The following JARID2 variants were observed in gnomAD, a reference collection of about 807,000 sequenced individuals.
JARID2 encodes protein Jumonji.
A neutral mutation model predicts 125.6 loss-of-function variants in JARID2; 21 were observed. The ratio of observed to expected loss-of-function variants is 0.17; its 90% confidence interval spans 0.12 to 0.24. The LOEUF (loss-of-function observed/expected upper bound fraction) is 0.24, where lower values mean the gene tolerates loss of function less well. Among genes scored for constraint, JARID2 ranks in the 10% least tolerant of loss-of-function variants. The pLI is 1.00. For missense variants in JARID2, 1,303 were observed against 1,639.6 expected (o/e 0.79, Z 3.55); for synonymous variants, 736 against 661.6 (o/e 1.11, Z -1.73).
intron 2 of JARID2, among the ~76,000 whole-genome samples, chr6:15,392,042 GT>G (rs1554131247): frequency 3.7e-5 from 1 of 27,028 alleles, no homozygotes; most frequent in African/African-American, 1.3e-4. Context: ...CCAGAGTGGT[GT>G]GTGTGTGTGT....
chr6:15,515,630 C>CA (rs993426435), intron 16 of JARID2, among the ~76,000 whole-genome samples: 1 of 151,486 alleles, frequency 6.6e-6, no homozygotes, highest in Non-Finnish European at 1.5e-5. Flanking sequence ...ACAAAAAATA[C>CA]AAAAAATTAA....
intron 1 of JARID2, among the ~76,000 whole-genome samples, chr6:15,361,007 A>T (rs116571062): frequency 5.9e-4 from 90 of 152,332 alleles, no homozygotes; most frequent in Non-Finnish European, 1.1e-3. Flanking sequence ...TTTCGATTAA[A>T]ACCACCCAAC....
intron 2 of JARID2, among the ~76,000 whole-genome samples, 184 bp from the exon 3 acceptor site, chr6:15,410,040 T>C (rs1179125994): frequency 6.6e-6 from 1 of 152,232 alleles, no homozygotes; most frequent in East Asian, 1.9e-4. Context: ...TTTCACTCTC[T>C]TTAAAGGTCT....
chr6:15,385,948 G>A (rs967980910), intron 2 of JARID2, among the ~76,000 whole-genome samples: 2 of 152,148 alleles, frequency 1.3e-5, no homozygotes, highest in African/African-American at 4.8e-5. Flanking sequence ...TCTTGGAATA[G>A]GGTCAGCCTT....
intron 1 of JARID2, among the ~76,000 whole-genome samples, chr6:15,326,929 T>A (rs1387976290): frequency 6.6e-6 from 1 of 152,242 alleles, no homozygotes; most frequent in African/African-American, 2.4e-5. Context: ...GGTCTATACA[T>A]TGATACTGGT....
chr6:15,501,676 C>T (rs930664918), intron 8 of JARID2, among the ~76,000 whole-genome samples: 1 of 152,128 alleles, frequency 6.6e-6, no homozygotes, highest in Non-Finnish European at 1.5e-5. Context: ...TAGTGAGGGC[C>T]TTGTGGGTGC....
rs376290738 is a variant in JARID2 at position 15,343,531 on chromosome 6, A to T, written c.46-30586A>T. On this transcript the variant is annotated intron_variant, in intron 1 of 17. Transcript: ENST00000341776. ...GAGTTGGATGTGTATTGAAAGTATG[A>T]TAGTCTCTTGCTATAAAATTAGGCT... 5.9e-5 allele frequency among the ~76,000 whole-genome samples: 9 copies of T among 152,302 alleles called. No individual in the cohort carries two copies. In the East Asian group the frequency reaches 1.5e-3, roughly 26 times the overall value.
At chr6:15,368,229 T>A (rs1764044733) in intron 1 of JARID2, among the ~76,000 whole-genome samples, 1 of 152,244 alleles carries the variant, frequency 6.6e-6, no homozygotes, top group South Asian at 2.1e-4. Context: ...TACAAGGTTT[T>A]AATTTTGATG....
intron 15 of JARID2, 53 bp from the exon 16 acceptor site, chr6:15,513,186 G>T: frequency 6.4e-7 from 1 of 1,561,362 alleles, no homozygotes; most frequent in Admixed American, 1.9e-5. Flanking sequence ...CCCTCTGCTG[G>T]TGAGCATGGC....
intron 6 of JARID2, among the ~76,000 whole-genome samples, chr6:15,492,659 C>CA (rs1770209746): frequency 6.6e-6 from 1 of 152,208 alleles, no homozygotes. Flanking sequence ...TTTTAGGACA[C>CA]ATGGAGCAGC....
intron 5 of JARID2, among the ~76,000 whole-genome samples, chr6:15,475,451 C>T (rs1290227437): frequency 1.3e-5 from 2 of 152,214 alleles, no homozygotes; most frequent in African/African-American, 4.8e-5. Flanking sequence ...TGCTGTGGAA[C>T]TGCCAGGGAG....
intron 1 of JARID2, among the ~76,000 whole-genome samples, chr6:15,344,047 T>A (rs939607048): frequency 6.6e-6 from 1 of 150,678 alleles, no homozygotes; most frequent in Non-Finnish European, 1.5e-5. Context: ...GAATGCAAAA[T>A]TCTCTTGAAT....
chr6:15,384,243 C>T (rs556842144), intron 2 of JARID2, among the ~76,000 whole-genome samples: 13 of 152,282 alleles, frequency 8.5e-5, no homozygotes, highest in Admixed American at 5.9e-4. Flanking sequence ...GGTGCCACCA[C>T]GCCCGGCTAA....
At chr6:15,450,623 T>C (rs746936333) in intron 3 of JARID2, among the ~76,000 whole-genome samples, 1 of 152,166 alleles carries the variant, frequency 6.6e-6, no homozygotes, top group Non-Finnish European at 1.5e-5. Flanking sequence ...CAAAGAATGT[T>C]TTTCAAATAC....
At chr6:15,517,675 G>A (rs956337774) in intron 17 of JARID2, among the ~76,000 whole-genome samples, 1 of 152,196 alleles carries the variant, frequency 6.6e-6, no homozygotes, top group Non-Finnish European at 1.5e-5. Flanking sequence ...AGCTGGAAGT[G>A]TCTGCGGACA....
intron 1 of JARID2, among the ~76,000 whole-genome samples, chr6:15,317,738 G>C (rs2127435732): frequency 6.6e-6 from 1 of 152,298 alleles, no homozygotes; most frequent in East Asian, 1.9e-4. Context: ...TGCCATGGCT[G>C]CGTGGGTGTT....
At chr6:15,417,419 T>A (rs1303231441) in intron 3 of JARID2, among the ~76,000 whole-genome samples, 1 of 152,226 alleles carries the variant, frequency 6.6e-6, no homozygotes, top group African/African-American at 2.4e-5. Context: ...TTTTGTGACC[T>A]GAATAAATTA....
At chr6:15,403,460 T>A (rs1019881831) in intron 2 of JARID2, among the ~76,000 whole-genome samples, 1 of 152,292 alleles carries the variant, frequency 6.6e-6, no homozygotes, top group East Asian at 1.9e-4. Flanking sequence ...TCTGCTTACC[T>A]CTTCCTCTGA....
At chr6:15,336,410 A>G (rs1762880753) in intron 1 of JARID2, among the ~76,000 whole-genome samples, 1 of 152,262 alleles carries the variant, frequency 6.6e-6, no homozygotes, top group African/African-American at 2.4e-5. Context: ...ACTTTGGTCA[A>G]ACTCAAAAAG....
Sources: gnomAD v4.1 joint callset for allele counts (sites outside exome capture counted in the v4.1 genomes callset) on GRCh38, gnomAD v4.1.1 for gene constraint, MANE v1.5 for transcripts, NCBI Gene and HGNC (gene_info 2026-07-23, HGNC 2026-07-21) for gene names.